ATP6V0B: variants seen among roughly 807,000 people sequenced by gnomAD.
ATP6V0B encodes the protein ATPase H+ transporting V0 subunit b.
In ATP6V0B, 4 loss-of-function variants were observed where a neutral mutation model predicts 26.2. The ratio of observed to expected loss-of-function variants is 0.15; its 90% CI spans 0.08 to 0.35. The LOEUF (loss-of-function observed/expected upper bound fraction) is 0.35, where lower values mean the gene tolerates loss of function less well. Among genes scored for constraint, ATP6V0B ranks in the 10% least tolerant of loss-of-function variants. ATP6V0B has a pLI of 1.00. For missense variants in ATP6V0B, 175 were observed against 272.5 expected (o/e 0.64, Z 2.52); for synonymous variants, 110 against 105.8 (o/e 1.04, Z -0.24).
Position 43,976,347 on chromosome 1 carries a change from G to A in ATP6V0B, c.246G>A (p.Lys82=). ...TGSSIIGGGV[K]APRIKTKNLV... ...CCTCCATCATTGGTGGAGGAGTGAA[G>A]GCCCCCAGGATCAAGACCAAGAACC... The change falls in exon 4 of 8, where the codon AAG becomes AAA. Residue 82 remains lysine (K), a synonymous_variant. Transcript: ENST00000472174. The surrounding 1 kb of genome is among the most constrained non-coding windows in gnomAD (Gnocchi z 4.6). 6.2e-7 allele frequency: 1 copy of A among 1,613,642 alleles called. No individual in the cohort carries two copies. Among genetic ancestry groups the A allele is most frequent in the Non-Finnish European group, 8.5e-7 (1 of 1,179,810 alleles).
rs766074669 is a variant in ATP6V0B at position 43,976,292 on chromosome 1, C to T, written c.201-10C>T. The T allele has an allele frequency of 6.8e-5, 110 of 1,613,312 alleles. No individual in the cohort carries two copies. Among genetic ancestry groups the T allele is most frequent in the Admixed American group, 1.5e-4 (9 of 59,954 alleles). On this transcript the variant is annotated splice_polypyrimidine_tract_variant and intron_variant, in intron 3 of 7. Transcript: ENST00000472174. This position sits in a 1 kb window ranked among gnomAD's most constrained non-coding sequence, Gnocchi z 4.6. ...GGGCTCTGCTCATCAGTTTTTTATC[C>T]TTCCACCAGGGGCATCTATATTACC...
chr1:43,975,647 AG>A, intron 1 of ATP6V0B, 152 bp from the exon 2 acceptor site: 1 of 809,550 alleles, frequency 1.2e-6, no homozygotes, highest in Admixed American at 2.1e-5. Flanking sequence ...GCCTAAGCAG[AG>A]GAATCTGTCT....
At position 43,977,941 on chromosome 1, in the gene ATP6V0B, C is replaced by A. The variant is rs754773557; in HGVS notation, c.592-40C>A. ...ATCATTTGTCACTGCCTTACCTATT[C>A]CTCTGTCCCTGCCTGATTTCTCCTG... is the stretch of plus-strand genomic sequence containing the variant. On this transcript the variant is annotated intron_variant, in intron 7 of 7. Coordinates refer to ENST00000472174, the MANE Select transcript of ATP6V0B (RefSeq NM_004047.5). 1.9e-6 allele frequency: 3 copies of A among 1,614,086 alleles called. No individual in the cohort carries two copies. In the African/African-American group the frequency reaches 4.0e-5, roughly 22 times the overall value.
chr1:43,975,435 G>T, intron 1 of ATP6V0B: 3 of 546,494 alleles, frequency 5.5e-6, no homozygotes, highest in Non-Finnish European at 6.5e-6. Context: ...CGGCTGCTCC[G>T]GTTCCTCTTT....
In ATP6V0B at chr1:43,978,155, C is replaced by T. The variant is rs961071023; in HGVS notation, c.*148C>T. 3 of 1,205,366 alleles carry T rather than the reference C, an allele frequency of 2.5e-6. No individual in the cohort carries two copies. Among genetic ancestry groups the T allele is most frequent in the Non-Finnish European group, 3.6e-6 (3 of 824,700 alleles). 74.7% of individuals were successfully genotyped at this position (1,205,366 alleles called of 1,614,324 possible). A position where few individuals can be genotyped will look rare whatever the true frequency, so the allele number is the denominator to read the frequency against. On this transcript the variant is annotated 3_prime_UTR_variant, in exon 8 of 8. Transcript: ENST00000472174. Reference sequence around the variant, plus strand: ...CTTGCTGCGTGTTGATTTGGAGGCACTGCAGTCCAGGCCGAGTCCTCAGTG... The same window carrying T: ...CTTGCTGCGTGTTGATTTGGAGGCATTGCAGTCCAGGCCGAGTCCTCAGTG...
At position 43,977,168 on chromosome 1, in the gene ATP6V0B, C is replaced by A; in HGVS notation, c.543C>A (p.Ile181=). ...SLFVKILIVE[I]FGSAIGLFGV... ...TTGTAAAGATTCTCATCGTGGAGAT[C>A]TTTGGCAGCGCCATTGGCCTCTTTG... Residue 181 remains isoleucine (I), a synonymous_variant, in exon 7 of 8, where the codon ATC becomes ATA. Coordinates refer to ENST00000472174, the MANE Select transcript of ATP6V0B (RefSeq NM_004047.5). The A allele has an allele frequency of 6.2e-7, 1 of 1,614,268 alleles. No individual in the cohort carries two copies. Among genetic ancestry groups the A allele is most frequent in the Non-Finnish European group, 8.5e-7 (1 of 1,180,048 alleles).
At chr1:43,975,715 C>T in intron 1 of ATP6V0B, 85 bp from the exon 2 acceptor site, 1 of 1,509,474 alleles carries the variant, frequency 6.6e-7, no homozygotes. Context: ...GGGAGGTGGC[C>T]CTTCAGCTCG....
chr1:43,976,236 G>T lies in ATP6V0B; in HGVS notation c.200+63G>T, dbSNP rs1027133819. On this transcript the variant is annotated intron_variant, in intron 3 of 7. Coordinates refer to ENST00000472174, the MANE Select transcript of ATP6V0B (RefSeq NM_004047.5). The surrounding 1 kb of genome is among the most constrained non-coding windows in gnomAD (Gnocchi z 4.6). ...AGTCATGGCAGGTGGTGTCACTGGG[G>T]TCTTAGGCATGCTGAGGGCAGTGAC... The T allele has an allele frequency of 4.3e-5, 69 of 1,608,996 alleles. No individual in the cohort carries two copies. Among genetic ancestry groups the T allele is most frequent in the Non-Finnish European group, 5.8e-5 (68 of 1,175,574 alleles).
At chr1:43,975,612 A>T (rs1180851274) in intron 1 of ATP6V0B, 188 bp from the exon 2 acceptor site, 1 of 694,068 alleles carries the variant, frequency 1.4e-6, no homozygotes, top group East Asian at 2.6e-5. Flanking sequence ...AGGTGGTTTT[A>T]GCGAGGGAAT....
chr1:43,978,126 C>A lies in ATP6V0B; in HGVS notation c.*119C>A. 1 of 1,425,466 alleles carries A rather than the reference C, an allele frequency of 7.0e-7. No homozygotes were observed. The highest frequency in any genetic ancestry group is 1.2e-5 in the South Asian group (1 of 86,838). 88.3% of individuals were successfully genotyped at this position (1,425,466 alleles called of 1,614,324 possible). ...GGTGTTCAGGGCCCTCCCTGCACTCCCCTCTTGCTGCGTGTTGATTTGGAG... is the reference window on the plus strand; with the variant it reads ...GGTGTTCAGGGCCCTCCCTGCACTCACCTCTTGCTGCGTGTTGATTTGGAG... On this transcript the variant is annotated 3_prime_UTR_variant, in exon 8 of 8. Transcript: ENST00000472174.
intron 1 of ATP6V0B, 114 bp downstream of exon 1, chr1:43,975,221 A>T (rs2085503980): frequency 3.9e-6 from 5 of 1,268,472 alleles, no homozygotes; most frequent in Non-Finnish European, 5.3e-6. Flanking sequence ...TCTGCACCCG[A>T]GGCTCTGGGG....
In ATP6V0B at chr1:43,975,003, C is replaced by G; in HGVS notation, c.-38C>G. ...TGGACGCTGGGACGCGTTTGTAGCT[C>G]CGGCCCCGCCGTTCCGACCCCCGCC... On this transcript the variant is annotated 5_prime_UTR_variant, in exon 1 of 8. Coordinates refer to ENST00000472174, the MANE Select transcript of ATP6V0B (RefSeq NM_004047.5). 2.4e-6 allele frequency: 3 copies of G among 1,257,826 alleles called. No individual in the cohort carries two copies. The highest frequency in any genetic ancestry group is 3.0e-6 in the Non-Finnish European group (3 of 997,204). The allele number at this position is 1,257,826 out of a possible 1,614,324, so 77.9% of individuals were successfully genotyped here.
Position 43,975,067 on chromosome 1 carries a change from C to CG in ATP6V0B, c.31dup (p.Val11GlyfsTer20). 7.1e-7 allele frequency: 1 copy of CG among 1,399,744 alleles called. No homozygotes were observed. The highest frequency in any genetic ancestry group is 9.2e-7 in the Non-Finnish European group (1 of 1,081,412). The allele number at this position is 1,399,744 out of a possible 1,614,324, so 86.7% of individuals were successfully genotyped here. A position where few individuals can be genotyped will look rare whatever the true frequency, so the allele number is the denominator to read the frequency against. On this transcript the variant is annotated frameshift_variant, in exon 1 of 8. Transcript: ENST00000472174. LOFTEE classifies it high-confidence loss of function. ...TGACGGGGCTAGCACTGCTCTACTC[C>CG]GGGGTCTTCGTGGCCTTCTGGGCCT...
intron 1 of ATP6V0B, 41 bp from the exon 2 acceptor site, chr1:43,975,759 C>G: frequency 1.3e-6 from 2 of 1,585,638 alleles, no homozygotes; most frequent in East Asian, 2.2e-5. Flanking sequence ...TTCTCTCTAC[C>G]GAGCAGCCCG....
chr1:43,976,059 T>G lies in ATP6V0B; in HGVS notation c.117-31T>G. The G allele has an allele frequency of 1.2e-6, 2 of 1,606,656 alleles. No individual in the cohort carries two copies. The highest frequency in any genetic ancestry group is 1.7e-6 in the Non-Finnish European group (2 of 1,173,240). ...TTGTGCTCCGCTTCCCTGCTAGAGCTGAACTGCTTTCTTCTCTGCTTCCAC... is the reference window on the plus strand; with the variant it reads ...TTGTGCTCCGCTTCCCTGCTAGAGCGGAACTGCTTTCTTCTCTGCTTCCAC... On this transcript the variant is annotated intron_variant, in intron 2 of 7. Transcript: ENST00000472174. The surrounding 1 kb of genome is among the most constrained non-coding windows in gnomAD (Gnocchi z 4.6).
At position 43,977,097 on chromosome 1, in the gene ATP6V0B, G is replaced by A. The variant is rs753121664; in HGVS notation, c.472G>A (p.Val158Met). 6 of 1,614,182 alleles carry A rather than the reference G, an allele frequency of 3.7e-6. No homozygotes were observed. The highest frequency in any genetic ancestry group is 4.2e-6 in the Non-Finnish European group (5 of 1,180,020). The change falls in exon 7 of 8, where the codon GTG becomes ATG. Residue 158 changes from valine (V) to methionine (M), a missense_variant. By Grantham distance (21) the Val-to-Met change is conservative (BLOSUM62 1). Transcript: ENST00000472174. ...CTTCTGTGGAGTCTGCGTGGGCATC[G>A]TGGGCAGTGGGGCTGCCCTGGCCGA... The part of the protein sequence containing the change: ...NLFCGVCVGI[V>M]GSGAALADAQ...
Position 43,976,434 on chromosome 1 carries a change from G to C in ATP6V0B, c.278+55G>C. On this transcript the variant is annotated intron_variant, in intron 4 of 7. Coordinates refer to ENST00000472174, the MANE Select transcript of ATP6V0B (RefSeq NM_004047.5). This position sits in a 1 kb window ranked among gnomAD's most constrained non-coding sequence, Gnocchi z 4.6. ...AGAACCAGCTGTGTTGGCGCTGCCT[G>C]TGTGTTTGATCTGACATACTGTTTC... 1 of 1,563,070 alleles carries C rather than the reference G, an allele frequency of 6.4e-7. No homozygotes were observed. Among genetic ancestry groups the C allele is most frequent in the Non-Finnish European group, 8.8e-7 (1 of 1,141,572 alleles).
Position 43,975,061 on chromosome 1 carries a change from C to A in ATP6V0B, c.21C>A (p.Leu7=). ...CCGCCATGACGGGGCTAGCACTGCTCTACTCCGGGGTCTTCGTGGCCTTCT... is the reference window on the plus strand; with the variant it reads ...CCGCCATGACGGGGCTAGCACTGCTATACTCCGGGGTCTTCGTGGCCTTCT... The part of the protein sequence containing the change: MTGLAL[L]YSGVFVAFWA... Residue 7 remains leucine, a synonymous_variant, in exon 1 of 8, where the codon CTC becomes CTA. Coordinates refer to ENST00000472174, the MANE Select transcript of ATP6V0B (RefSeq NM_004047.5). The A allele has an allele frequency of 7.2e-7, 1 of 1,389,326 alleles. No individual in the cohort carries two copies. The highest frequency in any genetic ancestry group is 1.6e-5 in the South Asian group (1 of 61,398). 86.1% of individuals were successfully genotyped at this position (1,389,326 alleles called of 1,614,324 possible). A position where few individuals can be genotyped will look rare whatever the true frequency, so the allele number is the denominator to read the frequency against.
chr1:43,977,987 A>G lies in ATP6V0B; in HGVS notation c.598A>G (p.Arg200Gly). ...GVIVAILQTSRVKMGD is the reference protein window; with the variant it reads ...GVIVAILQTSGVKMGD ...TCCTGTTCTTTTTTTGCAGACCTCC[A>G]GAGTGAAGATGGGTGACTAGATGAT... Residue 200 changes from arginine (R) to glycine (G), a missense_variant, in exon 8 of 8, where the codon AGA (arginine) becomes GGA (glycine). By Grantham distance (125) the Arg-to-Gly change is moderately radical. Transcript: ENST00000472174. The G allele has an allele frequency of 1.2e-6, 2 of 1,614,166 alleles. No individual in the cohort carries two copies. Among genetic ancestry groups the G allele is most frequent in the East Asian group, 4.5e-5 (2 of 44,892 alleles).
Sources: allele counts gnomAD v4.1 joint callset, GRCh38; gene constraint gnomAD v4.1.1; non-coding constraint Gnocchi (gnomAD v3.1); transcripts MANE v1.5; gene names NCBI Gene and HGNC (gene_info 2026-07-23, HGNC 2026-07-21).